The following AUTS2 variants were observed in gnomAD, a reference collection of about 807,000 sequenced individuals.
AUTS2 encodes the protein activator of transcription and developmental regulator AUTS2.
Under a neutral mutation model 112.4 loss-of-function variants are expected in AUTS2, and 17 were observed. The ratio of observed to expected loss-of-function variants is 0.15; its 90% CI spans 0.10 to 0.23. The LOEUF is 0.23. Among genes scored for constraint, AUTS2 ranks in the 10% least tolerant of loss-of-function variants. The pLI is 1.00. For synonymous variants in AUTS2, 751 were observed against 702.7 expected (o/e 1.07, Z -1.09); for missense variants, 1,510 against 1,701.6 (o/e 0.89, Z 1.98).
intron 1 of AUTS2, among the ~76,000 whole-genome samples, chr7:69,879,174 C>T (rs1010068185): frequency 2.6e-5 from 4 of 151,738 alleles, no homozygotes; most frequent in Non-Finnish European, 5.9e-5. Context: ...CAGGGTCTTG[C>T]TCTGTCGCCC....
At chr7:70,233,012 T>C (rs939058618) in intron 4 of AUTS2, among the ~76,000 whole-genome samples, 3 of 152,258 alleles carry the variant, frequency 2.0e-5, no homozygotes, top group Admixed American at 2.0e-4. Flanking sequence ...AATTCACATA[T>C]TAGTAGTATC....
chr7:69,774,263 G>A (rs1183822936), intron 1 of AUTS2, among the ~76,000 whole-genome samples: 3 of 152,154 alleles, frequency 2.0e-5, no homozygotes, highest in East Asian at 1.9e-4. Flanking sequence ...TTTAGCTGGC[G>A]GTGGTATGTG....
intron 1 of AUTS2, among the ~76,000 whole-genome samples, chr7:69,832,956 GTGTC>G (rs1304547694): frequency 1.3e-5 from 2 of 152,220 alleles, no homozygotes; most frequent in Non-Finnish European, 2.9e-5. Flanking sequence ...TTGCTTGAGA[GTGTC>G]TGAGCTTCAG....
At chr7:69,690,129 C>T (rs1461727495) in intron 1 of AUTS2, among the ~76,000 whole-genome samples, 1 of 152,206 alleles carries the variant, frequency 6.6e-6, no homozygotes, top group Non-Finnish European at 1.5e-5. Context: ...GTATCCATAA[C>T]TCCTAGAATA....
At position 70,657,463 on chromosome 7, in the gene AUTS2, A is replaced by G. The variant is rs191008236; in HGVS notation, c.691-41106A>G. On this transcript the variant is annotated intron_variant, in intron 5 of 18. Transcript: ENST00000342771. ...TTATAGCAAGGCAGGCCTGAAAAAC[A>G]GAGAGAGAGCTGGGAAAGGAAGCAC... is the stretch of plus-strand genomic sequence containing the variant. Among the ~76,000 whole-genome samples, 291 of 152,318 alleles carry G rather than the reference A, an allele frequency of 1.9e-3. 1 individual carries two copies. The highest frequency in any genetic ancestry group is 6.2e-3 in the African/African-American group (258 of 41,568).
chr7:69,785,196 C>G (rs2129318399), intron 1 of AUTS2, among the ~76,000 whole-genome samples: 1 of 152,206 alleles, frequency 6.6e-6, no homozygotes, highest in South Asian at 2.1e-4. Context: ...TTATGGAATG[C>G]TAGCATGCAT....
intron 4 of AUTS2, among the ~76,000 whole-genome samples, chr7:70,141,772 A>G (rs902776732): frequency 6.6e-6 from 1 of 152,160 alleles, no homozygotes; most frequent in Non-Finnish European, 1.5e-5. Flanking sequence ...ATCTGTTAAC[A>G]TTTTAATTGA....
At chr7:69,633,655 G>T (rs529654459) in intron 1 of AUTS2, among the ~76,000 whole-genome samples, 2 of 152,208 alleles carry the variant, frequency 1.3e-5, no homozygotes, top group Non-Finnish European at 2.9e-5. Context: ...GGTGTGTAGT[G>T]GTATCTCATG....
At chr7:70,048,303 T>C (rs577149705) in intron 2 of AUTS2, among the ~76,000 whole-genome samples, 8 of 152,322 alleles carry the variant, frequency 5.3e-5, no homozygotes, top group African/African-American at 1.4e-4. Flanking sequence ...GTTTCCTGTG[T>C]TTGCAAGGCA....
chr7:69,795,448 G>C (rs542668969), intron 1 of AUTS2, among the ~76,000 whole-genome samples: 175 of 152,306 alleles, frequency 1.1e-3, no homozygotes, highest in Non-Finnish European at 2.3e-3. Flanking sequence ...GGGACATCGA[G>C]GCAGGAGGAT....
At chr7:70,118,096 A>G (rs759157754) in intron 2 of AUTS2, 36 bp from the exon 3 acceptor site, 1 of 1,570,560 alleles carries the variant, frequency 6.4e-7, no homozygotes, top group Non-Finnish European at 8.6e-7. Flanking sequence ...GCAGACCACT[A>G]ACTTTTTCCT....
chr7:70,747,538 G>A (rs1415891414), intron 6 of AUTS2, among the ~76,000 whole-genome samples: 6 of 151,786 alleles, frequency 4.0e-5, no homozygotes, highest in East Asian at 2.0e-4. Flanking sequence ...AGCTCACTGC[G>A]GCCTCCACCT....
chr7:70,368,258 GA>G (rs1761271444), intron 4 of AUTS2, among the ~76,000 whole-genome samples: 1 of 152,160 alleles, frequency 6.6e-6, no homozygotes, highest in Admixed American at 6.5e-5. Context: ...CTAGAACTCA[GA>G]AGGCACTCAG....
intron 4 of AUTS2, among the ~76,000 whole-genome samples, chr7:70,146,234 C>T (rs777021254): frequency 4.6e-5 from 7 of 151,996 alleles, no homozygotes; most frequent in Non-Finnish European, 7.4e-5. Context: ...GTTCAATGTT[C>T]AGAATCTATT....
chr7:70,487,964 T>C (rs933949465), intron 5 of AUTS2, among the ~76,000 whole-genome samples: 27 of 152,184 alleles, frequency 1.8e-4, no homozygotes, highest in Non-Finnish European at 3.7e-4. Context: ...AAGCCCCTCG[T>C]AGAGGGCTCC....
chr7:70,098,178 A>G (rs1804299405), intron 2 of AUTS2, among the ~76,000 whole-genome samples: 1 of 152,194 alleles, frequency 6.6e-6, no homozygotes, highest in African/African-American at 2.4e-5. Context: ...GAGAACTGTG[A>G]CTTTAAGTCA....
rs545227174 is a variant in AUTS2 at position 70,411,460 on chromosome 7, A to G, written c.661-24292A>G. On this transcript the variant is annotated intron_variant, in intron 4 of 18. Coordinates refer to ENST00000342771, the MANE Select transcript of AUTS2 (RefSeq NM_015570.4). ...TTAGTTTGGAAACAAGCACCTAGAG[A>G]ATGCCAAAAAGTCAATGTTCCTGCA... Among the ~76,000 whole-genome samples the G allele has an allele frequency of 1.1e-4, 17 of 152,298 alleles. No individual in the cohort carries two copies. The South Asian group carries it at 2.7e-3, about 24-fold the overall frequency.
At chr7:70,234,204 T>C (rs1721458007) in intron 4 of AUTS2, among the ~76,000 whole-genome samples, 1 of 152,192 alleles carries the variant, frequency 6.6e-6, no homozygotes, top group African/African-American at 2.4e-5. Flanking sequence ...CATATATTAA[T>C]ATATTAATGT....
At chr7:70,021,059 C>T (rs952710583) in intron 2 of AUTS2, among the ~76,000 whole-genome samples, 2 of 151,888 alleles carry the variant, frequency 1.3e-5, no homozygotes, top group Non-Finnish European at 2.9e-5. Flanking sequence ...CTCAGCTCAC[C>T]GCAACCTCCG....
Sources: gnomAD v4.1 joint callset for allele counts (sites outside exome capture counted in the v4.1 genomes callset) on GRCh38, gnomAD v4.1.1 for gene constraint, MANE v1.5 for transcripts, NCBI Gene and HGNC (gene_info 2026-07-23, HGNC 2026-07-21) for gene names.